The following ZNF804B variants were observed in gnomAD, a reference collection of about 807,000 sequenced individuals.
ZNF804B encodes the protein zinc finger 804B.
A neutral mutation model predicts 101.4 loss-of-function variants in ZNF804B; 80 were observed. That is an observed-to-expected ratio of 0.79 (90% confidence interval 0.66 to 0.95). The LOEUF (loss-of-function observed/expected upper bound fraction) is 0.95. ZNF804B is among the 40% of genes least tolerant of loss of function. The pLI is 0.00. For missense variants in ZNF804B, 1,673 were observed against 1,561.9 expected (o/e 1.07, Z -1.20); for synonymous variants, 622 against 558.8 (o/e 1.11, Z -1.59).
At chr7:89,098,563 C>T (rs553331514) in intron 1 of ZNF804B, among the ~76,000 whole-genome samples, 4 of 152,052 alleles carry the variant, frequency 2.6e-5, no homozygotes, top group Non-Finnish European at 4.4e-5. Flanking sequence ...TGAGCCATTG[C>T]GTCCGGCCCA....
At chr7:89,310,356 G>A (rs38940) in intron 2 of ZNF804B, among the ~76,000 whole-genome samples, 53,435 of 151,902 alleles carry the variant, frequency 0.35, 9,789 homozygotes, top group Non-Finnish European at 0.4. Flanking sequence ...ATTCTGATAT[G>A]TATAGCTCAA....
intron 1 of ZNF804B, among the ~76,000 whole-genome samples, chr7:88,915,087 T>C (rs936925415): frequency 6.6e-6 from 1 of 152,136 alleles, no homozygotes; most frequent in African/African-American, 2.4e-5. Context: ...AGAAATATTA[T>C]GTGTATACTT....
chr7:89,036,638 T>C (rs1036622321), intron 1 of ZNF804B, among the ~76,000 whole-genome samples: 2 of 152,152 alleles, frequency 1.3e-5, no homozygotes, highest in African/African-American at 4.8e-5. Context: ...AGTCTTAATG[T>C]ATAACTTAGA....
At chr7:89,036,706 G>C (rs1788934030) in intron 1 of ZNF804B, among the ~76,000 whole-genome samples, 1 of 152,008 alleles carries the variant, frequency 6.6e-6, no homozygotes, top group Non-Finnish European at 1.5e-5. Context: ...TGATTTCCTG[G>C]TAATCTAATT....
intron 1 of ZNF804B, among the ~76,000 whole-genome samples, chr7:89,212,301 G>A (rs542442082): frequency 5.5e-5 from 8 of 145,062 alleles, no homozygotes; most frequent in Non-Finnish European, 6.0e-5. Flanking sequence ...ACAGACTGCA[G>A]AACATCCAAA....
chr7:88,973,395 C>G (rs1197406403), intron 1 of ZNF804B, among the ~76,000 whole-genome samples: 1 of 151,130 alleles, frequency 6.6e-6, no homozygotes, highest in African/African-American at 2.4e-5. Context: ...ACAGGCCAAT[C>G]CTGGTATGTT....
At chr7:88,908,118 A>G (rs1792498933) in intron 1 of ZNF804B, among the ~76,000 whole-genome samples, 1 of 151,844 alleles carries the variant, frequency 6.6e-6, no homozygotes, top group African/African-American at 2.4e-5. Flanking sequence ...AAGTAATTAC[A>G]ATCTAGTAGG....
chr7:89,207,381 G>A (rs1324325739), intron 1 of ZNF804B, among the ~76,000 whole-genome samples: 2 of 152,198 alleles, frequency 1.3e-5, no homozygotes, highest in Non-Finnish European at 2.9e-5. Flanking sequence ...AGGCAAGAGG[G>A]CATGTTCAGG....
intron 2 of ZNF804B, among the ~76,000 whole-genome samples, chr7:89,265,710 C>T (rs571097365): frequency 2.5e-4 from 38 of 152,142 alleles, no homozygotes; most frequent in Middle Eastern, 3.4e-3. Context: ...AAAATAGAAA[C>T]ATGTTGTGAA....
intron 1 of ZNF804B, among the ~76,000 whole-genome samples, chr7:88,892,077 A>C (rs1792222584): frequency 6.6e-6 from 1 of 152,136 alleles, no homozygotes; most frequent in South Asian, 2.1e-4. Flanking sequence ...AGCATGTGTT[A>C]CCTCCAGCCA....
At chr7:88,783,158 C>T (rs757904394) in intron 1 of ZNF804B, among the ~76,000 whole-genome samples, 3 of 152,096 alleles carry the variant, frequency 2.0e-5, no homozygotes, top group Non-Finnish European at 2.9e-5. Flanking sequence ...TATTCAGCTC[C>T]CTCACCCCAT....
intron 1 of ZNF804B, among the ~76,000 whole-genome samples, chr7:88,822,103 T>A (rs1446104727): frequency 6.6e-6 from 1 of 152,194 alleles, no homozygotes; most frequent in Non-Finnish European, 1.5e-5. Flanking sequence ...TAAGACCAAC[T>A]AATTATACTT....
chr7:89,190,818 T>A (rs994772330), intron 1 of ZNF804B, among the ~76,000 whole-genome samples: 3 of 152,114 alleles, frequency 2.0e-5, no homozygotes, highest in Non-Finnish European at 2.9e-5. Flanking sequence ...AGCAAAAAGA[T>A]TTTTACTCGC....
At chr7:88,922,523 G>T (rs1488550727) in intron 1 of ZNF804B, among the ~76,000 whole-genome samples, 1 of 151,770 alleles carries the variant, frequency 6.6e-6, no homozygotes, top group Non-Finnish European at 1.5e-5. Flanking sequence ...ATGTATTAAA[G>T]GATATTTATG....
chr7:88,845,177 A>C (rs999835837), intron 1 of ZNF804B, among the ~76,000 whole-genome samples: 3 of 152,226 alleles, frequency 2.0e-5, no homozygotes, highest in African/African-American at 7.2e-5. Flanking sequence ...GTTCTGTTTT[A>C]ATCTATTACG....
Position 88,856,596 on chromosome 7 carries a change from G to A in ZNF804B, c.108+96512G>A, listed in dbSNP as rs551013466. On this transcript the variant is annotated intron_variant, in intron 1 of 3. Coordinates refer to ENST00000333190, the MANE Select transcript of ZNF804B (RefSeq NM_181646.5). The stretch of plus-strand genomic sequence containing the variant: ...CTCTTTTCCTAATTGAATACCCTTT[G>A]TTTTCTTCTCCTGCCTAATTGCCCT... Among the ~76,000 whole-genome samples the A allele has an allele frequency of 2.6e-3, 403 of 152,118 alleles. 2 individuals are homozygous for A. The highest frequency in any genetic ancestry group is 3.6e-3 in the Non-Finnish European group (246 of 67,984).
chr7:88,915,964 C>A (rs1356239111), intron 1 of ZNF804B, among the ~76,000 whole-genome samples: 1 of 151,740 alleles, frequency 6.6e-6, no homozygotes, highest in African/African-American at 2.4e-5. Flanking sequence ...ATTCAAATGG[C>A]TCCTATAATG....
intron 1 of ZNF804B, among the ~76,000 whole-genome samples, chr7:88,892,220 A>G (rs984851754): frequency 6.6e-6 from 1 of 152,120 alleles, no homozygotes; most frequent in African/African-American, 2.4e-5. Flanking sequence ...TCTAATTTGT[A>G]TGATCTCTGT....
intron 1 of ZNF804B, among the ~76,000 whole-genome samples, chr7:89,003,443 A>G (rs1788318645): frequency 6.6e-6 from 1 of 151,994 alleles, no homozygotes; most frequent in Admixed American, 6.6e-5. Flanking sequence ...TGCCCAATGT[A>G]TGTAAGAGCT....
Sources: gnomAD v4.1 joint callset for allele counts (sites outside exome capture counted in the v4.1 genomes callset) on GRCh38, gnomAD v4.1.1 for gene constraint, MANE v1.5 for transcripts, NCBI Gene and HGNC (gene_info 2026-07-23, HGNC 2026-07-21) for gene names.